SNX29: variants seen among roughly 807,000 people sequenced by gnomAD.
SNX29 encodes the protein sorting nexin-29.
A neutral mutation model predicts 102.1 loss-of-function variants in SNX29; 78 were observed. The observed-to-expected ratio is 0.76, with a 90% CI of 0.64 to 0.92. The LOEUF (loss-of-function observed/expected upper bound fraction) is 0.92. SNX29 is among the 40% of genes least tolerant of loss of function. The probability of loss-of-function intolerance (pLI) is 0.00; values close to 1 mark genes in which losing one functional copy is unlikely to be tolerated. For missense variants in SNX29, 1,280 were observed against 1,061.7 expected (o/e 1.21, Z -2.86); for synonymous variants, 580 against 414.5 (o/e 1.40, Z -4.85).
rs142909136 is a variant in SNX29, at chr16:12,508,201, G to A, written c.2179-16501G>A. Among the ~76,000 whole-genome samples the A allele has an allele frequency of 2.9e-3, 447 of 152,330 alleles. 1 individual carries two copies. The highest frequency in any genetic ancestry group is 0.01 in the African/African-American group (416 of 41,574). The stretch of plus-strand genomic sequence containing the variant: ...GCGGGTGGCTATTCTGTCTGTAGCC[G>A]TTGTATTCACAGGGAGGAGTCCAGA... On this transcript the variant is annotated intron_variant, in intron 19 of 20. Transcript: ENST00000566228.
At chr16:12,269,171 G>A (rs923262194) in intron 14 of SNX29, among the ~76,000 whole-genome samples, 5 of 152,192 alleles carry the variant, frequency 3.3e-5, no homozygotes, top group South Asian at 2.1e-4. Context: ...CATTTGGAGT[G>A]GAACTTCTAT....
At chr16:12,029,593 A>T (rs2057283821) in intron 4 of SNX29, 1 of 427,212 alleles carries the variant, frequency 2.3e-6, no homozygotes, top group Non-Finnish European at 4.6e-6. Context: ...TTGGAATTTG[A>T]TTTTTTTTTT....
chr16:12,174,043 A>C (rs550053973), intron 13 of SNX29, among the ~76,000 whole-genome samples: 1 of 152,270 alleles, frequency 6.6e-6, no homozygotes, highest in South Asian at 2.1e-4. Context: ...TGGCCTCCCA[A>C]AGTGTTGGGA....
At chr16:11,990,455 T>A (rs376356433) in intron 1 of SNX29, among the ~76,000 whole-genome samples, 1 of 151,904 alleles carries the variant, frequency 6.6e-6, no homozygotes, top group Non-Finnish European at 1.5e-5. Flanking sequence ...ACTGCGGGGG[T>A]CCCTCCTGGT....
At chr16:12,102,821 C>T (rs1264270956) in intron 11 of SNX29, among the ~76,000 whole-genome samples, 10 of 152,198 alleles carry the variant, frequency 6.6e-5, no homozygotes, top group Admixed American at 5.9e-4. Flanking sequence ...CCCATTGTCT[C>T]AGCCCAAGAT....
chr16:12,410,020 A>G (rs1368325620), intron 18 of SNX29, among the ~76,000 whole-genome samples: 1 of 151,378 alleles, frequency 6.6e-6, no homozygotes, highest in Non-Finnish European at 1.5e-5. Flanking sequence ...TCTGAGAGGG[A>G]GTCTCGCTCT....
At chr16:12,140,003 A>G (rs2054812600) in intron 13 of SNX29, among the ~76,000 whole-genome samples, 1 of 151,056 alleles carries the variant, frequency 6.6e-6, no homozygotes, top group Non-Finnish European at 1.5e-5. Context: ...AAAAAAAAAA[A>G]AGGAAAAGGA....
chr16:12,092,987 G>A (rs1374848451), intron 11 of SNX29, among the ~76,000 whole-genome samples: 2 of 152,184 alleles, frequency 1.3e-5, no homozygotes, highest in Non-Finnish European at 1.5e-5. Context: ...AAGAGGGCTG[G>A]AAAGAGGCAG....
intron 18 of SNX29, among the ~76,000 whole-genome samples, chr16:12,463,117 G>A (rs984318801): frequency 3.9e-5 from 6 of 152,280 alleles, no homozygotes; most frequent in East Asian, 1.9e-4. Context: ...TTATTAGGAC[G>A]CCAGGCTCCT....
At chr16:12,286,335 C>A (rs2079595101) in intron 15 of SNX29, among the ~76,000 whole-genome samples, 1 of 150,804 alleles carries the variant, frequency 6.6e-6, no homozygotes, top group Admixed American at 6.6e-5. Context: ...CAGGGCTAAA[C>A]CTCCAAGGAT....
At chr16:12,043,104 TG>T (rs1363244558) in intron 5 of SNX29, 27 bp downstream of exon 5, 3 of 1,610,678 alleles carry the variant, frequency 1.9e-6, no homozygotes, top group Non-Finnish European at 2.5e-6. Flanking sequence ...CGAACTGGGA[TG>T]GGATGGAGCA....
At chr16:12,289,541 C>A (rs2079723286) in intron 15 of SNX29, among the ~76,000 whole-genome samples, 1 of 152,184 alleles carries the variant, frequency 6.6e-6, no homozygotes. Flanking sequence ...TTTGCTGTTT[C>A]TCCACCCCAT....
At chr16:12,026,759 A>G (rs1220598526) in intron 3 of SNX29, among the ~76,000 whole-genome samples, 15 of 152,228 alleles carry the variant, frequency 9.9e-5, no homozygotes, top group Non-Finnish European at 1.5e-5. Context: ...GTAATCTCAT[A>G]TAATCTCTTT....
chr16:12,212,373 C>G (rs376700975), intron 14 of SNX29, among the ~76,000 whole-genome samples: 30 of 151,700 alleles, frequency 2.0e-4, no homozygotes, highest in African/African-American at 7.0e-4. Context: ...GTAGACTGGA[C>G]CTGCTCTTTG....
intron 4 of SNX29, among the ~76,000 whole-genome samples, chr16:12,035,515 CT>C (rs1391334968): frequency 6.6e-6 from 1 of 152,310 alleles, no homozygotes; most frequent in East Asian, 1.9e-4. Flanking sequence ...AGCTCAGCCC[CT>C]TGTTGGCACT....
chr16:12,182,980 T>C (rs1224477322), intron 13 of SNX29, among the ~76,000 whole-genome samples: 1 of 148,548 alleles, frequency 6.7e-6, no homozygotes. Context: ...CTTTGCAATA[T>C]GGATTTATTT....
rs960538327 is a variant in SNX29, at chr16:12,421,141, G to C, written c.2037+17612G>C. ...CATAGCTGGGAAATAATAGAGCTGG[G>C]CTTTGCACTCTGATCCACAATCTTT... On this transcript the variant is annotated intron_variant, in intron 18 of 20. Coordinates refer to ENST00000566228, the MANE Select transcript of SNX29 (RefSeq NM_032167.5). Among the ~76,000 whole-genome samples, 5 of 152,304 alleles carry C rather than the reference G, an allele frequency of 3.3e-5. 1 individual carries two copies. The South Asian group carries it at 1.0e-3, about 32-fold the overall frequency.
At chr16:12,049,041 A>G (rs2050201176) in intron 7 of SNX29, among the ~76,000 whole-genome samples, 1 of 152,148 alleles carries the variant, frequency 6.6e-6, no homozygotes, top group African/African-American at 2.4e-5. Flanking sequence ...CAAAATATAT[A>G]ATTTATGATC....
At position 12,372,132 on chromosome 16, in the gene SNX29, G is replaced by C. The variant is rs1381167780; in HGVS notation, c.1899+15853G>C. Among the ~76,000 whole-genome samples, 4 of 152,128 alleles carry C rather than the reference G, an allele frequency of 2.6e-5. No homozygotes were observed. In the East Asian group the frequency reaches 7.7e-4, roughly 29 times the overall value. On this transcript the variant is annotated intron_variant, in intron 16 of 20. Coordinates refer to ENST00000566228, the MANE Select transcript of SNX29 (RefSeq NM_032167.5). Reference sequence around the variant, plus strand: ...TTTTTATGCATTTGCATATAGGCAGGCATATATATACACACACACATGCCT... The same window carrying C: ...TTTTTATGCATTTGCATATAGGCAGCCATATATATACACACACACATGCCT...
Sources: gnomAD v4.1 joint callset for allele counts (sites outside exome capture counted in the v4.1 genomes callset) on GRCh38, gnomAD v4.1.1 for gene constraint, MANE v1.5 for transcripts, NCBI Gene and HGNC (gene_info 2026-07-23, HGNC 2026-07-21) for gene names.